Variants in PCDH9 observed in about 807,000 individuals in gnomAD.
The protein encoded by PCDH9 is protocadherin 9.
In PCDH9, 24 loss-of-function variants were observed where a neutral mutation model predicts 70.6. The ratio of observed to expected loss-of-function variants is 0.34; its 90% CI spans 0.25 to 0.48. The LOEUF (loss-of-function observed/expected upper bound fraction) is 0.48. Ranked by LOEUF, PCDH9 falls within the 20% of genes least tolerant of loss-of-function variation. The pLI, the probability that PCDH9 is intolerant of heterozygous loss-of-function variation, is 0.99. For synonymous variants in PCDH9, 562 were observed against 558.5 expected, an observed-to-expected ratio of 1.01 and a Z score of -0.09; for missense variants, 1,281 against 1,503.6, an observed-to-expected ratio of 0.85 and a Z score of 2.45.
chr13:66,815,951 A>G (rs901937596), intron 3 of PCDH9, among the ~76,000 whole-genome samples: 37 of 152,332 alleles, frequency 2.4e-4, no homozygotes, highest in African/African-American at 8.9e-4. Flanking sequence ...AATGCACTAG[A>G]TCTATAAATT....
intron 3 of PCDH9, among the ~76,000 whole-genome samples, chr13:66,842,754 T>A (rs1406016433): frequency 1.3e-5 from 2 of 152,168 alleles, no homozygotes; most frequent in Non-Finnish European, 2.9e-5. Flanking sequence ...GTAATGGGAA[T>A]TCAATATTAT....
At chr13:67,105,834 G>A (rs1242223520) in intron 2 of PCDH9, among the ~76,000 whole-genome samples, 1 of 151,534 alleles carries the variant, frequency 6.6e-6, no homozygotes. Flanking sequence ...AATATTTAAT[G>A]ATCTACATAA....
At chr13:67,008,363 A>G (rs2084392170) in intron 2 of PCDH9, among the ~76,000 whole-genome samples, 1 of 152,150 alleles carries the variant, frequency 6.6e-6, no homozygotes, top group Non-Finnish European at 1.5e-5. Flanking sequence ...ATCAGCTAGT[A>G]CACAATCTAT....
chr13:66,810,652 T>C (rs557741136), intron 3 of PCDH9, among the ~76,000 whole-genome samples: 1 of 152,098 alleles, frequency 6.6e-6, no homozygotes, highest in South Asian at 2.1e-4. Context: ...ATTCTTTATT[T>C]TTATCACTCT....
chr13:66,942,852 G>T (rs1323911), intron 2 of PCDH9, among the ~76,000 whole-genome samples: 24,305 of 152,108 alleles, frequency 0.16, 2,132 homozygotes, highest in Non-Finnish European at 0.18. Flanking sequence ...CCTGAGCCAA[G>T]TGTTTGACTA....
At chr13:66,517,942 C>A (rs563172626) in intron 4 of PCDH9, among the ~76,000 whole-genome samples, 1 of 152,194 alleles carries the variant, frequency 6.6e-6, no homozygotes, top group East Asian at 1.9e-4. Flanking sequence ...TTATTCTCAA[C>A]AAAATGAATG....
chr13:66,556,346 A>G (rs775644763), intron 4 of PCDH9, among the ~76,000 whole-genome samples: 1 of 152,148 alleles, frequency 6.6e-6, no homozygotes, highest in African/African-American at 2.4e-5. Flanking sequence ...TGGCTACAAT[A>G]AAATTAATAG....
chr13:66,532,574 T>C (rs1384368652), intron 4 of PCDH9, among the ~76,000 whole-genome samples: 1 of 152,112 alleles, frequency 6.6e-6, no homozygotes, highest in Non-Finnish European at 1.5e-5. Context: ...GATGTAGTCT[T>C]TCTCTGTCAC....
intron 2 of PCDH9, among the ~76,000 whole-genome samples, chr13:67,193,727 A>G (rs2088983304): frequency 6.6e-6 from 1 of 152,240 alleles, no homozygotes; most frequent in Non-Finnish European, 1.5e-5. Context: ...TTTAAAGAGA[A>G]TCTTATAGTT....
At chr13:66,748,927 T>C (rs1415862777) in intron 3 of PCDH9, among the ~76,000 whole-genome samples, 1 of 152,028 alleles carries the variant, frequency 6.6e-6, no homozygotes, top group Non-Finnish European at 1.5e-5. Context: ...ATGGGGGAAG[T>C]CCCCCACCCC....
chr13:66,832,899 C>T (rs2080953291), intron 3 of PCDH9, among the ~76,000 whole-genome samples: 1 of 152,110 alleles, frequency 6.6e-6, no homozygotes, highest in Non-Finnish European at 1.5e-5. Context: ...CTACTACCCC[C>T]TGTATTCCTC....
At chr13:66,713,625 G>GTGTGTATATATATATATATATATA (rs1379996611) in intron 3 of PCDH9, among the ~76,000 whole-genome samples, 8 of 109,998 alleles carry the variant, frequency 7.3e-5, no homozygotes, top group African/African-American at 2.6e-4. Context: ...GTGTGTGTGT[G>GTGTGTATATATATATATATATATA]TATATATATA....
intron 2 of PCDH9, among the ~76,000 whole-genome samples, chr13:67,123,394 A>G (rs998144314): frequency 6.6e-6 from 1 of 152,200 alleles, no homozygotes; most frequent in African/African-American, 2.4e-5. Context: ...CGGCAACTCT[A>G]TTCACACGTT....
chr13:66,466,559 C>T (rs1241617020), intron 4 of PCDH9, among the ~76,000 whole-genome samples: 1 of 152,032 alleles, frequency 6.6e-6, no homozygotes, highest in Non-Finnish European at 1.5e-5. Flanking sequence ...TGTGCATTTC[C>T]TGTGCACTTT....
At chr13:66,533,155 G>C (rs1350294322) in intron 4 of PCDH9, among the ~76,000 whole-genome samples, 1 of 152,134 alleles carries the variant, frequency 6.6e-6, no homozygotes, top group Non-Finnish European at 1.5e-5. Context: ...GGCTTCACTT[G>C]AAACGATGGT....
intron 4 of PCDH9, among the ~76,000 whole-genome samples, chr13:66,470,724 A>T (rs917468011): frequency 1.9e-5 from 2 of 107,910 alleles, no homozygotes; most frequent in African/African-American, 3.0e-5. Flanking sequence ...CTCTGAAATT[A>T]AAAAAAAAAA....
rs779133888 is a variant in PCDH9, at chr13:67,227,335, C to T, written c.1106G>A (p.Gly369Asp). Residue 369 changes from glycine to aspartate, a missense_variant, in exon 2 of 5, where the codon GGC (glycine) becomes GAC (aspartate). This residue lies in a region of PCDH9 where 798 missense variants were observed against 1,003.1 expected (regional missense o/e 0.80). Transcript: ENST00000377865. The surrounding 1 kb of genome is among the most constrained non-coding windows in gnomAD (Gnocchi z 4.6). Reference protein sequence around the residue: ...DLRYIISPINGTVYLSEKDPV... With the variant: ...DLRYIISPINDTVYLSEKDPV... ...ATCTTTCTCAGATAAATACACGGTGCCATTGATGGGACTTATAATGTACCT... is the reference window on the plus strand; with the variant it reads ...ATCTTTCTCAGATAAATACACGGTGTCATTGATGGGACTTATAATGTACCT... The T allele has an allele frequency of 6.2e-7, 1 of 1,613,828 alleles. No homozygotes were observed. Among genetic ancestry groups the T allele is most frequent in the Non-Finnish European group, 8.5e-7 (1 of 1,179,812 alleles).
chr13:66,878,566 G>C (rs1021952927), intron 3 of PCDH9, among the ~76,000 whole-genome samples: 1 of 152,132 alleles, frequency 6.6e-6, no homozygotes, highest in Non-Finnish European at 1.5e-5. Context: ...TTGTATTTGG[G>C]CCTTGAACAC....
At chr13:66,702,358 C>G (rs1012056928) in intron 3 of PCDH9, among the ~76,000 whole-genome samples, 28 of 151,684 alleles carry the variant, frequency 1.8e-4, no homozygotes, top group African/African-American at 6.5e-4. Flanking sequence ...TGTATGAAAT[C>G]AAAAGAAAAT....
Sources: gnomAD v4.1 joint callset for allele counts (sites outside exome capture counted in the v4.1 genomes callset) on GRCh38, gnomAD v4.1.1 for gene constraint, gnomAD v4.1.1 regional missense constraint, Gnocchi (gnomAD v3.1) non-coding constraint, MANE v1.5 for transcripts, NCBI Gene and HGNC (gene_info 2026-07-23, HGNC 2026-07-21) for gene names.